USH2A: variants seen among roughly 807,000 people sequenced by gnomAD.
The protein encoded by USH2A is usherin.
A neutral mutation model predicts 538.9 loss-of-function variants in USH2A; 443 were observed. That is an observed-to-expected ratio of 0.82 (90% confidence interval 0.76 to 0.89). The LOEUF (loss-of-function observed/expected upper bound fraction) is 0.89. Ranked by LOEUF, USH2A falls within the 40% of genes least tolerant of loss-of-function variation. The pLI is 0.00. For synonymous variants in USH2A, 2,413 were observed against 2,273.5 expected (o/e 1.06, Z -1.75); for missense variants, 6,633 against 6,324.8 (o/e 1.05, Z -1.65).
chr1:215,884,765 C>T (rs1571779427), intron 41 of USH2A, among the ~76,000 whole-genome samples: 1 of 152,184 alleles, frequency 6.6e-6, no homozygotes, highest in East Asian at 1.9e-4. Context: ...ATTATCAAAC[C>T]CATAAATGAG....
intron 56 of USH2A, among the ~76,000 whole-genome samples, chr1:215,763,276 G>A (rs992559206): frequency 6.6e-6 from 1 of 152,192 alleles, no homozygotes; most frequent in East Asian, 1.9e-4. Flanking sequence ...TATGATACAT[G>A]CTTTAAGAGA....
At chr1:216,123,608 A>G (rs577166752) in intron 21 of USH2A, among the ~76,000 whole-genome samples, 4 of 152,302 alleles carry the variant, frequency 2.6e-5, no homozygotes, top group African/African-American at 9.6e-5. Flanking sequence ...TAAGCCTTTG[A>G]AAACAGGAAC....
intron 37 of USH2A, among the ~76,000 whole-genome samples, chr1:215,944,432 AT>A (rs891884292): frequency 2.4e-4 from 36 of 152,174 alleles, no homozygotes; most frequent in African/African-American, 6.3e-4. Flanking sequence ...TTGAGTAAAT[AT>A]TTTTTTTAAA....
At chr1:215,693,156 T>A (rs1411475577) in intron 61 of USH2A, among the ~76,000 whole-genome samples, 2 of 147,838 alleles carry the variant, frequency 1.4e-5, no homozygotes, top group Non-Finnish European at 3.0e-5. Flanking sequence ...ATATGTATTT[T>A]TTTTTGTGGA....
At position 215,844,310 on chromosome 1, in the gene USH2A, G is replaced by A. The variant is rs1257198753; in HGVS notation, c.9242C>T (p.Thr3081Ile). 6.2e-7 allele frequency: 1 copy of A among 1,613,626 alleles called. No homozygotes were observed. The highest frequency in any genetic ancestry group is 1.7e-5 in the Admixed American group (1 of 59,910). Residue 3081 changes from threonine (T) to isoleucine (I), a missense_variant, in exon 46 of 72, where the codon ACT becomes ATT. Transcript: ENST00000307340. ...SFILRDLSPF[T>I]IYDIQVEVCT... The stretch of plus-strand genomic sequence containing the variant: ...TGTTCTAACCTGAATGTCATAGATA[G>A]TGAAGGGAGACAGGTCTCTCAGAAT...
At position 215,877,686 on chromosome 1, in the gene USH2A, AG is replaced by A. The variant is rs113098537; in HGVS notation, c.8681+71del. On this transcript the variant is annotated intron_variant, in intron 43 of 71. Coordinates refer to ENST00000307340, the MANE Select transcript of USH2A (RefSeq NM_206933.4). ...ACACGCTCACACAATGAAGACACTG[AG>A]ATACTTTGAACTATTCAACATGCCC... The A allele has an allele frequency of 4.0e-4, 641 of 1,602,308 alleles. 2 individuals are homozygous for A. In the African/African-American group the frequency reaches 6.4e-3, roughly 16 times the overall value.
intron 21 of USH2A, among the ~76,000 whole-genome samples, chr1:216,165,808 GTT>G (rs11453631): frequency 3.4e-5 from 5 of 145,680 alleles, no homozygotes; most frequent in African/African-American, 1.0e-4. Context: ...CAAACAACCA[GTT>G]TTTTTTTTTT....
chr1:216,396,162 G>T (rs2039207735), intron 3 of USH2A, among the ~76,000 whole-genome samples: 1 of 151,928 alleles, frequency 6.6e-6, no homozygotes, highest in African/African-American at 2.4e-5. Flanking sequence ...TAAACAGAAA[G>T]ATATACAAAA....
rs2038440915 is a variant in USH2A at position 216,359,007 on chromosome 1, T to TC, written c.784+5945_784+5946insG. Among the ~76,000 whole-genome samples the TC allele has an allele frequency of 2.0e-5, 3 of 152,298 alleles. No homozygotes were observed. The South Asian group carries it at 6.2e-4, about 32-fold the overall frequency. On this transcript the variant is annotated intron_variant, in intron 4 of 71. Coordinates refer to ENST00000307340, the MANE Select transcript of USH2A (RefSeq NM_206933.4). ...TGCAATAAAACACTTTTAGAAGTAC[T>TC]AATGGGGATTAAATATTGAAATAAG...
At chr1:216,031,038 T>TA (rs1669109748) in intron 32 of USH2A, among the ~76,000 whole-genome samples, 1 of 152,018 alleles carries the variant, frequency 6.6e-6, no homozygotes, top group Admixed American at 6.6e-5. Context: ...ATATCCCTGA[T>TA]ATCTGTGTAC....
chr1:216,253,788 C>A (rs368748972), intron 11 of USH2A, among the ~76,000 whole-genome samples: 1 of 152,094 alleles, frequency 6.6e-6, no homozygotes, highest in African/African-American at 2.4e-5. Flanking sequence ...ATTAAAGATT[C>A]GGGGTAAAAG....
At chr1:215,838,415 C>T (rs563982224) in intron 46 of USH2A, among the ~76,000 whole-genome samples, 2 of 152,138 alleles carry the variant, frequency 1.3e-5, no homozygotes, top group Non-Finnish European at 2.9e-5. Context: ...GGAAGATGCC[C>T]AAGTGACAGT....
intron 30 of USH2A, among the ~76,000 whole-genome samples, chr1:216,067,373 G>T (rs1325700949): frequency 6.6e-6 from 1 of 151,362 alleles, no homozygotes; most frequent in Non-Finnish European, 1.5e-5. Flanking sequence ...TATGTAACAA[G>T]CCTGCACATT....
chr1:216,275,539 T>C (rs994651784), intron 11 of USH2A, among the ~76,000 whole-genome samples: 3 of 152,126 alleles, frequency 2.0e-5, no homozygotes, highest in African/African-American at 4.8e-5. Context: ...CTGCTTAATA[T>C]GTTAGTTAAT....
rs768681145 is a variant in USH2A at position 216,072,951 on chromosome 1, A to G, written c.5795T>C (p.Ile1932Thr). 18 of 1,613,976 alleles carry G rather than the reference A, an allele frequency of 1.1e-5. No homozygotes were observed. The highest frequency in any genetic ancestry group is 1.5e-5 in the Non-Finnish European group (18 of 1,179,888). Residue 1932 changes from isoleucine (I) to threonine (T), a missense_variant, in exon 29 of 72, where the codon ATA (isoleucine) becomes ACA (threonine). Coordinates refer to ENST00000307340, the MANE Select transcript of USH2A (RefSeq NM_206933.4). ...QPFTEYLYRV[I>T]ASHEGGSVYS... ...TACTGAACCTCCTTCATGCGAGGCTATCACTCGATACAGGTATTCTTAAAT... is the reference window on the plus strand; with the variant it reads ...TACTGAACCTCCTTCATGCGAGGCTGTCACTCGATACAGGTATTCTTAAAT...
At chr1:216,188,046 T>C (rs1558305529) in intron 20 of USH2A, among the ~76,000 whole-genome samples, 3 of 151,580 alleles carry the variant, frequency 2.0e-5, no homozygotes, top group Non-Finnish European at 4.4e-5. Context: ...TTTTCAAGGA[T>C]AAAAAAAATA....
intron 50 of USH2A, among the ~76,000 whole-genome samples, chr1:215,790,991 G>A (rs1053596824): frequency 6.6e-6 from 1 of 152,160 alleles, no homozygotes; most frequent in Non-Finnish European, 1.5e-5. Context: ...GAAAGACCTT[G>A]TAGAGAGGAT....
At chr1:215,710,121 G>A (rs1659296986) in intron 61 of USH2A, among the ~76,000 whole-genome samples, 1 of 152,230 alleles carries the variant, frequency 6.6e-6, no homozygotes, top group African/African-American at 2.4e-5. Flanking sequence ...GGGAAGTGAT[G>A]TTCAGTTATC....
intron 32 of USH2A, among the ~76,000 whole-genome samples, chr1:216,002,090 G>T (rs375180477): frequency 1.6e-3 from 243 of 152,174 alleles, no homozygotes; most frequent in African/African-American, 5.7e-3. Flanking sequence ...AGCAACAGTC[G>T]CACTATAGGT....
Sources: allele counts gnomAD v4.1 joint callset (sites outside exome capture counted in the v4.1 genomes callset), GRCh38; gene constraint gnomAD v4.1.1; transcripts MANE v1.5; gene names NCBI Gene and HGNC (gene_info 2026-07-23, HGNC 2026-07-21).